The following SMIM31 variants were observed in gnomAD, a reference collection of about 807,000 sequenced individuals.
SMIM31 encodes the protein human epithelial cell program regulator.
At chr4:164,774,319 A>C (rs1732853700) in intron 2 of SMIM31, among the ~76,000 whole-genome samples, 1 of 152,228 alleles carries the variant, frequency 6.6e-6, no homozygotes, top group Non-Finnish European at 1.5e-5. Context: ...TTGCAAGGTG[A>C]CATCACACAT....
chr4:164,762,766 T>C (rs1403799483), intron 1 of SMIM31, among the ~76,000 whole-genome samples: 1 of 152,136 alleles, frequency 6.6e-6, no homozygotes, highest in Non-Finnish European at 1.5e-5. Flanking sequence ...TACAGAACAC[T>C]TGCTTATATT....
intron 1 of SMIM31, among the ~76,000 whole-genome samples, chr4:164,758,630 G>GTTTTTTTTTTTTTTTTTT (rs1210607914): frequency 5.2e-5 from 5 of 96,638 alleles, no homozygotes; most frequent in Admixed American, 1.3e-4. Flanking sequence ...TCCTTTTTTT[G>GTTTTTTTTTTTTTTTTTT]TTTTTTTTTT....
rs1466495173 is a variant in SMIM31 at position 164,801,650 on chromosome 4, A to T, written c.*456A>T. On this transcript the variant is annotated 3_prime_UTR_variant, in exon 3 of 3. Transcript: ENST00000507311. ...ACTGTGTTATTGCTTCCGTATCTGA[A>T]ATAGGTGAAAGAGGGAAAAAACACT... 6.6e-6 allele frequency: 1 copy of T among 152,412 alleles called. No homozygotes were observed. The highest frequency in any genetic ancestry group is 1.5e-5 in the Non-Finnish European group (1 of 68,194). The allele number at this position is 152,412 out of a possible 1,614,324, so 9.4% of individuals were successfully genotyped here.
chr4:164,758,112 T>C (rs1359256436), intron 1 of SMIM31, among the ~76,000 whole-genome samples: 1 of 152,120 alleles, frequency 6.6e-6, no homozygotes, highest in Non-Finnish European at 1.5e-5. Flanking sequence ...ATCTTCTCTA[T>C]TTTTGTTAAT....
At chr4:164,800,635 C>T (rs897111915) in intron 2 of SMIM31, among the ~76,000 whole-genome samples, 2 of 152,176 alleles carry the variant, frequency 1.3e-5, no homozygotes, top group Non-Finnish European at 2.9e-5. Context: ...GACAATGCCC[C>T]TCAGGCTTAT....
chr4:164,770,440 G>A lies in SMIM31; in HGVS notation c.-4G>A. 2.5e-6 allele frequency: 1 copy of A among 398,852 alleles called. No individual in the cohort carries two copies. Among genetic ancestry groups the A allele is most frequent in the South Asian group, 1.3e-4 (1 of 7,840 alleles). The allele number at this position is 398,852 out of a possible 1,614,324, so 24.7% of individuals were successfully genotyped here. On this transcript the variant is annotated 5_prime_UTR_variant, in exon 2 of 3. Transcript: ENST00000507311. ...GTAGGTGAAGAAGTTTTCGGTGGTG[G>A]TTCATGGAGCTTCCCTACACCAACT...
chr4:164,780,959 GCAA>G (rs1461600960), intron 2 of SMIM31, among the ~76,000 whole-genome samples: 1 of 152,100 alleles, frequency 6.6e-6, no homozygotes, highest in Non-Finnish European at 1.5e-5. Flanking sequence ...AGAGGCACAT[GCAA>G]CCACACCCGG....
At chr4:164,773,451 TC>T (rs1170701566) in intron 2 of SMIM31, among the ~76,000 whole-genome samples, 1 of 152,096 alleles carries the variant, frequency 6.6e-6, no homozygotes, top group African/African-American at 2.4e-5. Flanking sequence ...AAACTTACAA[TC>T]GTGGTGGAAG....
chr4:164,756,435 G>C (rs1439217683), intron 1 of SMIM31, among the ~76,000 whole-genome samples: 1 of 151,858 alleles, frequency 6.6e-6, no homozygotes, highest in Non-Finnish European at 1.5e-5. Context: ...AGCCAGGTGT[G>C]GTGGTGGGCG....
At chr4:164,779,941 G>C (rs536859836) in intron 2 of SMIM31, among the ~76,000 whole-genome samples, 28 of 152,200 alleles carry the variant, frequency 1.8e-4, no homozygotes, top group Admixed American at 1.4e-3. Context: ...GCCAGTAGAC[G>C]GCAATGTTTG....
intron 2 of SMIM31, among the ~76,000 whole-genome samples, chr4:164,788,928 C>T (rs4420937): frequency 0.63 from 96,294 of 152,054 alleles, 31,984 homozygotes; most frequent in African/African-American, 0.84. Context: ...TAATTTATCA[C>T]TCCCGAAAGA....
chr4:164,760,921 G>T (rs1248565345), intron 1 of SMIM31, among the ~76,000 whole-genome samples: 1 of 152,070 alleles, frequency 6.6e-6, no homozygotes, highest in East Asian at 1.9e-4. Context: ...AAGGAATTCT[G>T]TTTTAAACAC....
chr4:164,758,630 G>GTTTTTTTTTTT (rs1210607914), intron 1 of SMIM31, among the ~76,000 whole-genome samples: 12 of 96,636 alleles, frequency 1.2e-4, no homozygotes, highest in African/African-American at 1.7e-4. Flanking sequence ...TCCTTTTTTT[G>GTTTTTTTTTTT]TTTTTTTTTT....
chr4:164,765,060 G>T lies in SMIM31; in HGVS notation c.-25-5359G>T, dbSNP rs115633617. On this transcript the variant is annotated intron_variant, in intron 1 of 2. Coordinates refer to ENST00000507311, the MANE Select transcript of SMIM31 (RefSeq NM_001352885.1). ...ATGGTGTCTGGACAAGGTGATTTTT[G>T]ATTTTCTTTCCAAACCTGAAATTTT... 8.4e-3 allele frequency among the ~76,000 whole-genome samples: 1,278 copies of T among 152,212 alleles called. 12 individuals carry two copies. Among genetic ancestry groups the T allele is most frequent in the Non-Finnish European group, 0.012 (830 of 67,996 alleles).
intron 2 of SMIM31, among the ~76,000 whole-genome samples, chr4:164,800,216 T>C (rs11943611): frequency 0.53 from 79,904 of 151,408 alleles, 22,405 homozygotes; most frequent in South Asian, 0.66. Flanking sequence ...TATGTTTTTC[T>C]TTTTCTTTTT....
chr4:164,764,900 T>C (rs138522979), intron 1 of SMIM31, among the ~76,000 whole-genome samples: 45 of 152,314 alleles, frequency 3.0e-4, no homozygotes, highest in African/African-American at 9.6e-4. Flanking sequence ...TTAGCTGATA[T>C]AGAGTTTTCT....
chr4:164,775,079 A>G (rs1732862266), intron 2 of SMIM31, among the ~76,000 whole-genome samples: 1 of 152,154 alleles, frequency 6.6e-6, no homozygotes, highest in African/African-American at 2.4e-5. Flanking sequence ...ACTTTATCTG[A>G]GCTCTGTGCT....
intron 2 of SMIM31, among the ~76,000 whole-genome samples, chr4:164,780,884 C>T (rs1191846448): frequency 6.6e-6 from 1 of 152,140 alleles, no homozygotes; most frequent in Non-Finnish European, 1.5e-5. Flanking sequence ...AATCATAGCT[C>T]ACTGAAGCCT....
At chr4:164,761,550 A>C (rs1177336927) in intron 1 of SMIM31, among the ~76,000 whole-genome samples, 1 of 152,170 alleles carries the variant, frequency 6.6e-6, no homozygotes, top group Non-Finnish European at 1.5e-5. Flanking sequence ...ACTGTCCAGC[A>C]GCCCAGTGGC....
Sources: allele counts gnomAD v4.1 joint callset (sites outside exome capture counted in the v4.1 genomes callset), GRCh38; gene constraint gnomAD v4.1.1; transcripts MANE v1.5; gene names NCBI Gene and HGNC (gene_info 2026-07-23, HGNC 2026-07-21).